Variants in TRIP12 observed in about 807,000 individuals in gnomAD.
The protein encoded by TRIP12 is E3 ubiquitin-protein ligase TRIP12.
A neutral mutation model predicts 244.2 loss-of-function variants in TRIP12; 25 were observed. The ratio of observed to expected loss-of-function variants is 0.10; its 90% CI spans 0.07 to 0.14. TRIP12 has a LOEUF of 0.14. TRIP12 is among the 10% of genes least tolerant of loss of function. The pLI, the probability that TRIP12 is intolerant of heterozygous loss-of-function variation, is 1.00. For missense variants in TRIP12, 1,677 were observed against 2,486.4 expected (o/e 0.67, Z 6.92); for synonymous variants, 905 against 873.1 (o/e 1.04, Z -0.64).
intron 2 of TRIP12, among the ~76,000 whole-genome samples, chr2:229,878,861 T>C (rs982728763): frequency 1.9e-4 from 28 of 151,210 alleles, no homozygotes; most frequent in African/African-American, 6.0e-4. Flanking sequence ...GGATTACAGG[T>C]GTGAGCCACC....
intron 4 of TRIP12, among the ~76,000 whole-genome samples, chr2:229,843,705 C>T (rs1023485050): frequency 5.3e-5 from 8 of 152,064 alleles, no homozygotes; most frequent in African/African-American, 1.9e-4. Flanking sequence ...ACTGTAAGAC[C>T]CTGTGTCTCC....
chr2:229,813,715 C>T (rs2047821908), intron 13 of TRIP12, among the ~76,000 whole-genome samples, 155 bp downstream of exon 13: 2 of 151,914 alleles, frequency 1.3e-5, no homozygotes, highest in South Asian at 2.1e-4. Flanking sequence ...ACCCAGGAGG[C>T]GGAGGTGGCA....
chr2:229,779,637 C>T (rs2037445899), intron 34 of TRIP12, among the ~76,000 whole-genome samples: 1 of 152,162 alleles, frequency 6.6e-6, no homozygotes, highest in Non-Finnish European at 1.5e-5. Flanking sequence ...CTAACGGCCT[C>T]ATACAGGACA....
intron 8 of TRIP12, among the ~76,000 whole-genome samples, chr2:229,825,916 T>C (rs1337728466): frequency 6.6e-6 from 1 of 152,172 alleles, no homozygotes; most frequent in Non-Finnish European, 1.5e-5. Context: ...AATTCAAGTA[T>C]CAGTGAAAAT....
intron 2 of TRIP12, among the ~76,000 whole-genome samples, chr2:229,861,267 T>C (rs2060440970): frequency 6.6e-6 from 1 of 152,176 alleles, no homozygotes; most frequent in African/African-American, 2.4e-5. Context: ...GCCAGCACTA[T>C]TCTAAAAGCA....
intron 8 of TRIP12, among the ~76,000 whole-genome samples, chr2:229,827,833 A>G (rs939406687): frequency 1.3e-5 from 2 of 152,170 alleles, no homozygotes; most frequent in African/African-American, 4.8e-5. Flanking sequence ...TTTTAAGCTC[A>G]ACAGCTATCA....
At chr2:229,835,812 C>T (rs1326015842) in intron 6 of TRIP12, among the ~76,000 whole-genome samples, 1 of 152,108 alleles carries the variant, frequency 6.6e-6, no homozygotes, top group Middle Eastern at 3.2e-3. Context: ...TGGGAAGGAG[C>T]GTACAGCACT....
rs566017453 is a variant in TRIP12, at chr2:229,797,871, T to C, written c.3483-40A>G. On this transcript the variant is annotated intron_variant, in intron 23 of 41. Transcript: ENST00000675903. ...AAGGAGATATTAAAGTCCCAGTGTA[T>C]GTAGAAAGGATATAACTTCTGATCA... 5.6e-6 allele frequency: 9 copies of C among 1,597,090 alleles called. No homozygotes were observed. In the African/African-American group the frequency reaches 9.4e-5, roughly 17 times the overall value.
At chr2:229,819,493 C>T (rs2049433531) in intron 8 of TRIP12, among the ~76,000 whole-genome samples, 1 of 152,056 alleles carries the variant, frequency 6.6e-6, no homozygotes, top group Non-Finnish European at 1.5e-5. Context: ...TGCAGTGAGC[C>T]GAGATCATGT....
intron 1 of TRIP12, among the ~76,000 whole-genome samples, chr2:229,920,117 C>T (rs1216005774): frequency 6.6e-6 from 1 of 152,138 alleles, no homozygotes; most frequent in Non-Finnish European, 1.5e-5. Context: ...GGCCTCTTGC[C>T]TTTTTTTCTA....
chr2:229,777,958 A>T (rs989808674), intron 36 of TRIP12, among the ~76,000 whole-genome samples: 23 of 152,332 alleles, frequency 1.5e-4, no homozygotes, highest in Non-Finnish European at 2.4e-4. Context: ...CAGAAGTTCA[A>T]GAGAAAAAGA....
chr2:229,867,145 G>A (rs1487458860), intron 2 of TRIP12, among the ~76,000 whole-genome samples: 1 of 140,402 alleles, frequency 7.1e-6, no homozygotes, highest in Non-Finnish European at 1.5e-5. Context: ...GTCAGACAGG[G>A]AAGGTTTTTT....
chr2:229,853,996 C>T (rs1026068396), intron 4 of TRIP12, among the ~76,000 whole-genome samples: 1 of 152,118 alleles, frequency 6.6e-6, no homozygotes, highest in East Asian at 1.9e-4. Context: ...ATATAGGTTA[C>T]ATGTTTACAT....
Position 229,779,010 on chromosome 2 carries a change from G to A in TRIP12, c.5095-20C>T, listed in dbSNP as rs758215045. 4 of 1,596,466 alleles carry A rather than the reference G, an allele frequency of 2.5e-6. No individual in the cohort carries two copies. Among genetic ancestry groups the A allele is most frequent in the South Asian group, 1.1e-5 (1 of 89,910 alleles). The stretch of plus-strand genomic sequence containing the variant: ...ACCAACCTACAGAAGAACACAAGTA[G>A]AACGATTTCAAATTTTAAGAATTGT... On this transcript the variant is annotated intron_variant, in intron 34 of 41. Coordinates refer to ENST00000675903, the MANE Select transcript of TRIP12 (RefSeq NM_001348323.3).
At chr2:229,777,079 T>C (rs1354555888) in intron 37 of TRIP12, among the ~76,000 whole-genome samples, 1 of 152,240 alleles carries the variant, frequency 6.6e-6, no homozygotes. Flanking sequence ...AAGGAGTCCT[T>C]ATTTATGGTT....
chr2:229,888,510 A>C (rs1048796515), intron 1 of TRIP12, among the ~76,000 whole-genome samples: 13 of 152,312 alleles, frequency 8.5e-5, no homozygotes, highest in Admixed American at 7.8e-4. Context: ...TGGGAAAATA[A>C]ATCAGGATAG....
At chr2:229,779,500 G>A (rs1325899795) in intron 34 of TRIP12, among the ~76,000 whole-genome samples, 4 of 152,182 alleles carry the variant, frequency 2.6e-5, no homozygotes, top group African/African-American at 9.7e-5. Flanking sequence ...ATATTTCACA[G>A]GATGATAACT....
intron 23 of TRIP12, among the ~76,000 whole-genome samples, chr2:229,798,046 G>A (rs966909819): frequency 2.0e-5 from 3 of 152,166 alleles, no homozygotes; most frequent in African/African-American, 4.8e-5. Flanking sequence ...TACACTGCAG[G>A]TCATTACATG....
chr2:229,893,339 T>A (rs2067871706), intron 1 of TRIP12, among the ~76,000 whole-genome samples: 1 of 152,194 alleles, frequency 6.6e-6, no homozygotes, highest in Non-Finnish European at 1.5e-5. Flanking sequence ...GCCCAAGTGT[T>A]AAGTGTAAAA....
Sources: gnomAD v4.1 joint callset for allele counts (sites outside exome capture counted in the v4.1 genomes callset) on GRCh38, gnomAD v4.1.1 for gene constraint, MANE v1.5 for transcripts, NCBI Gene and HGNC (gene_info 2026-07-23, HGNC 2026-07-21) for gene names.